Variants in ATM observed in about 807,000 individuals in gnomAD.
The protein encoded by ATM is serine-protein kinase ATM.
A neutral mutation model predicts 387.0 loss-of-function variants in ATM; 308 were observed. That is an observed-to-expected ratio of 0.80 (90% confidence interval 0.73 to 0.87). The LOEUF (loss-of-function observed/expected upper bound fraction) is 0.87, where lower values mean the gene tolerates loss of function less well. Among genes scored for constraint, ATM ranks in the 40% least tolerant of loss-of-function variants. ATM has a pLI of 0.00. For missense variants in ATM, 3,312 were observed against 3,560.9 expected (o/e 0.93, Z 1.78); for synonymous variants, 1,156 against 1,187.3 (o/e 0.97, Z 0.54).
intron 16 of ATM, among the ~76,000 whole-genome samples, chr11:108,266,789 ATTT>A (rs893198517): frequency 6.0e-5 from 8 of 132,554 alleles, no homozygotes; most frequent in East Asian, 2.1e-4. Flanking sequence ...GATTAGGTAA[ATTT>A]TTTTTTTTTT....
At chr11:108,293,877 C>CAAA (rs33977155) in intron 31 of ATM, among the ~76,000 whole-genome samples, 5 of 106,122 alleles carry the variant, frequency 4.7e-5, no homozygotes, top group East Asian at 2.4e-4. Flanking sequence ...GACCCTGTCT[C>CAAA]AAAAAAAAAA....
chr11:108,277,631 G>A (rs535653537), intron 22 of ATM, among the ~76,000 whole-genome samples: 2 of 152,290 alleles, frequency 1.3e-5, no homozygotes, highest in African/African-American at 2.4e-5. Flanking sequence ...TTGGCTAGGG[G>A]AGGGAGTTCC....
intron 24 of ATM, among the ~76,000 whole-genome samples, 189 bp downstream of exon 24, chr11:108,281,357 T>C (rs1304799015): frequency 6.6e-6 from 1 of 152,258 alleles, no homozygotes; most frequent in Non-Finnish European, 1.5e-5. Context: ...ATGCACTGTT[T>C]CTTACATTCC....
At chr11:108,314,560 T>A (rs2084454689) in intron 40 of ATM, among the ~76,000 whole-genome samples, 1 of 152,098 alleles carries the variant, frequency 6.6e-6, no homozygotes, top group African/African-American at 2.4e-5. Context: ...GTCCTCCTGT[T>A]GTCTAGGACC....
Position 108,235,700 on chromosome 11 carries a change from T to A in ATM, c.362T>A (p.Leu121Ter), listed in dbSNP as rs771342315. 1 of 1,612,058 alleles carries A rather than the reference T, an allele frequency of 6.2e-7. No individual in the cohort carries two copies. The highest frequency in any genetic ancestry group is 8.5e-7 in the Non-Finnish European group (1 of 1,178,360). The change falls in exon 5 of 63, where the codon TTA becomes TAA. Residue 121 changes from leucine (L) to a stop codon, truncating the protein, a stop_gained. Coordinates refer to ENST00000675843, the MANE Select transcript of ATM (RefSeq NM_000051.4). LOFTEE classifies it high-confidence loss of function. ...CCTAGGCTAAAATGTCAAGAACTCT[T>A]AAATTATATCATGGATACAGTGAAA... ...RAPRLKCQEL[L>*]NYIMDTVKDS...
chr11:108,319,036 G>A (rs145738879), intron 43 of ATM, among the ~76,000 whole-genome samples: 1 of 152,034 alleles, frequency 6.6e-6, no homozygotes, highest in Non-Finnish European at 1.5e-5. Flanking sequence ...AGTTAGCTGG[G>A]CAAGGTAGCA....
intron 29 of ATM, among the ~76,000 whole-genome samples, chr11:108,291,788 A>G (rs1465100656): frequency 1.3e-5 from 2 of 152,190 alleles, no homozygotes; most frequent in African/African-American, 4.8e-5. Flanking sequence ...TTCAACACTT[A>G]GCCATGCTTG....
At chr11:108,333,841 C>T (rs1243185906) in intron 53 of ATM, 45 bp from the exon 54 acceptor site, 1 of 1,441,204 alleles carries the variant, frequency 6.9e-7, no homozygotes, top group African/African-American at 1.4e-5. Flanking sequence ...ACCTTCAATG[C>T]TGTTCCTCAG....
chr11:108,266,791 T>TG (rs1407153437), intron 16 of ATM, among the ~76,000 whole-genome samples: 66 of 143,242 alleles, frequency 4.6e-4, no homozygotes, highest in African/African-American at 1.5e-3. Context: ...TTAGGTAAAT[T>TG]TTTTTTTTTT....
rs934623270 is a variant in ATM at position 108,336,019 on chromosome 11, G to A, written c.8268+58G>A. The A allele has an allele frequency of 2.3e-6, 3 of 1,331,892 alleles. No homozygotes were observed. In the Admixed American group the frequency reaches 5.1e-5, roughly 23 times the overall value. 82.5% of individuals were successfully genotyped at this position (1,331,892 alleles called of 1,614,324 possible). On this transcript the variant is annotated intron_variant, in intron 56 of 62. Coordinates refer to ENST00000675843, the MANE Select transcript of ATM (RefSeq NM_000051.4). ...AACATATAAAAGATGCCATTTGGTT[G>A]GGTGAAGTGGCTCATGCCCATATTC...
chr11:108,331,147 C>T, intron 50 of ATM: 1 of 1,099,658 alleles, frequency 9.1e-7, no homozygotes. Context: ...CAGTCACACT[C>T]AGATCACATT....
intron 16 of ATM, among the ~76,000 whole-genome samples, chr11:108,261,113 G>A (rs903396982): frequency 2.0e-5 from 3 of 152,222 alleles, no homozygotes; most frequent in East Asian, 1.9e-4. Context: ...CAGCCGGGAA[G>A]CTCGAACTAG....
chr11:108,255,234 A>G (rs1463240515), intron 13 of ATM, among the ~76,000 whole-genome samples: 2 of 152,158 alleles, frequency 1.3e-5, no homozygotes, highest in African/African-American at 2.4e-5. Context: ...GAGAGGGGAC[A>G]GTGTGCCTCT....
At chr11:108,223,242 G>GA (rs1192688825) in intron 1 of ATM, 56 bp downstream of exon 1, 1 of 161,776 alleles carries the variant, frequency 6.2e-6, no homozygotes, top group Non-Finnish European at 1.4e-5. Context: ...AGTCGTGTGC[G>GA]ACCCAGTCTG....
chr11:108,276,354 A>C (rs57627058), intron 22 of ATM, among the ~76,000 whole-genome samples: 1 of 152,092 alleles, frequency 6.6e-6, no homozygotes, highest in Admixed American at 6.5e-5. Flanking sequence ...TCCGAAGCCT[A>C]CTTCTGTCAA....
At chr11:108,300,585 C>T (rs2083376790) in intron 34 of ATM, among the ~76,000 whole-genome samples, 1 of 152,104 alleles carries the variant, frequency 6.6e-6, no homozygotes, top group South Asian at 2.1e-4. Flanking sequence ...TCCTCCTTCT[C>T]TTGAGGAATA....
chr11:108,355,130 C>A, intron 61 of ATM: 1 of 486,670 alleles, frequency 2.1e-6, no homozygotes, highest in Non-Finnish European at 3.7e-6. Flanking sequence ...ATTCATAAAT[C>A]AATTCTTTGA....
At chr11:108,258,856 G>A (rs2080680992) in intron 15 of ATM, 130 bp from the exon 16 acceptor site, 2 of 698,334 alleles carry the variant, frequency 2.9e-6, no homozygotes, top group South Asian at 1.6e-5. Flanking sequence ...TGTTTTTGAA[G>A]CAGCATATAT....
chr11:108,359,387 C>T (rs968485597), intron 61 of ATM, among the ~76,000 whole-genome samples: 13 of 152,188 alleles, frequency 8.5e-5, no homozygotes, highest in Middle Eastern at 3.4e-3. Flanking sequence ...GACAGATCAA[C>T]GAGATAAAAA....
Sources: gnomAD v4.1 joint callset for allele counts (sites outside exome capture counted in the v4.1 genomes callset) on GRCh38, gnomAD v4.1.1 for gene constraint, MANE v1.5 for transcripts, NCBI Gene and HGNC (gene_info 2026-07-23, HGNC 2026-07-21) for gene names.